CYP19A1: variants seen among roughly 807,000 people sequenced by gnomAD.
CYP19A1 encodes cytochrome P450 family 19 subfamily A member 1.
Under a neutral mutation model 44.4 loss-of-function variants are expected in CYP19A1, and 32 were observed. That is an observed-to-expected ratio of 0.72 (90% CI 0.54 to 0.97). CYP19A1 has a LOEUF of 0.97. Among genes scored for constraint, CYP19A1 ranks in the 50% least tolerant of loss-of-function variants. The pLI is 0.00. For missense variants in CYP19A1, 598 were observed against 637.8 expected (o/e 0.94, Z 0.67); for synonymous variants, 212 against 215.6 (o/e 0.98, Z 0.14).
intron 1 of CYP19A1, among the ~76,000 whole-genome samples, chr15:51,299,283 G>A (rs1173124237): frequency 6.6e-6 from 1 of 152,202 alleles, no homozygotes; most frequent in African/African-American, 2.4e-5. Context: ...TTCATTCACA[G>A]GAGCTGCTGC....
chr15:51,240,589 C>A (rs1244492792), intron 2 of CYP19A1, among the ~76,000 whole-genome samples: 1 of 152,146 alleles, frequency 6.6e-6, no homozygotes, highest in African/African-American at 2.4e-5. Context: ...GCAAAAGCCA[C>A]CCCAAACAAG....
rs566082014 is a variant in CYP19A1, at chr15:51,293,856, C to G, written c.-39+44639G>C. 4.4e-3 allele frequency: 853 copies of G among 191,826 alleles called. 10 individuals are homozygous for G. The highest frequency in any genetic ancestry group is 0.019 in the African/African-American group (816 of 42,054). 11.9% of individuals were successfully genotyped at this position (191,826 alleles called of 1,614,324 possible). On this transcript the variant is annotated intron_variant, in intron 1 of 9. Transcript: ENST00000396402. ...TTGCAGACGGAGTCTCGTTCACTCA[C>G]TGCTCAATGGTGCCCAGGCTGGGGT...
At chr15:51,317,104 C>CTTT (rs201343947) in intron 1 of CYP19A1, among the ~76,000 whole-genome samples, 1 of 138,506 alleles carries the variant, frequency 7.2e-6, no homozygotes, top group Non-Finnish European at 1.6e-5. Context: ...AAAATCACTT[C>CTTT]TTTTTTTTTT....
chr15:51,294,438 AACC>A, intron 1 of CYP19A1, among the ~76,000 whole-genome samples: 1 of 138,398 alleles, frequency 7.2e-6, no homozygotes, highest in African/African-American at 2.8e-5. Context: ...TCCGCCTGGC[AACC>A]GCCCCGTCTG....
Position 51,242,853 on chromosome 15 carries a change from G to A in CYP19A1, c.60C>T (p.Ala20=). 1 of 1,601,682 alleles carries A rather than the reference G, an allele frequency of 6.2e-7. No individual in the cohort carries two copies. The highest frequency in any genetic ancestry group is 8.6e-7 in the Non-Finnish European group (1 of 1,168,708). ...GGACTGGCATGGTGGCAGCAGGCAT[G>A]GCTTCAGGCACGATGCTGGTGATGT... The part of the protein sequence containing the change: ...HYNITSIVPE[A]MPAATMPVLL... Residue 20 remains alanine (A), a synonymous_variant, in exon 2 of 10, where the codon GCC becomes GCT. Coordinates refer to ENST00000396402, the MANE Select transcript of CYP19A1 (RefSeq NM_000103.4).
chr15:51,232,637 CT>C (rs923452009), intron 3 of CYP19A1, among the ~76,000 whole-genome samples: 6 of 151,672 alleles, frequency 4.0e-5, no homozygotes, highest in African/African-American at 1.2e-4. Context: ...CACTTTGACT[CT>C]TTTTTTTTCT....
At chr15:51,262,647 G>A (rs17523541) in intron 1 of CYP19A1, among the ~76,000 whole-genome samples, 58,775 of 152,098 alleles carry the variant, frequency 0.39, 11,914 homozygotes, top group East Asian at 0.5. Flanking sequence ...TAGGGTTATT[G>A]ATATACGATT....
Position 51,236,939 on chromosome 15 carries a change from A to G in CYP19A1, c.216T>C (p.Ser72=). 2 of 1,614,190 alleles carry G rather than the reference A, an allele frequency of 1.2e-6. No individual in the cohort carries two copies. Among genetic ancestry groups the G allele is most frequent in the Middle Eastern group, 1.6e-4 (1 of 6,062 alleles). ...ATACCCGGTTGTAGTAGTTGCAGGC[A>G]CTGCCGATCCCCATCCACAGGAATC... ...HGRFLWMGIG[S]ACNYYNRVYG... is the part of the protein sequence containing the mutation. The change falls in exon 3 of 10, where the codon AGT becomes AGC. Residue 72 remains serine, a synonymous_variant. Transcript: ENST00000396402.
intron 1 of CYP19A1, among the ~76,000 whole-genome samples, chr15:51,258,841 T>C (rs2034610904): frequency 6.6e-6 from 1 of 152,248 alleles, no homozygotes; most frequent in Non-Finnish European, 1.5e-5. Context: ...CTGATTTATT[T>C]AATTTGAAGA....
rs187746938 is a variant in CYP19A1 at position 51,264,922 on chromosome 15, A to G, written c.-38-21972T>C. Among the ~76,000 whole-genome samples the G allele has an allele frequency of 8.5e-5, 13 of 152,344 alleles. No individual in the cohort carries two copies. In the East Asian group the frequency reaches 2.5e-3, roughly 29 times the overall value. ...TGACACTCTGAAGGTTCTTCAATGTATGTCACTTCAAAGTGCACAGATGTT... is the reference window on the plus strand; with the variant it reads ...TGACACTCTGAAGGTTCTTCAATGTGTGTCACTTCAAAGTGCACAGATGTT... On this transcript the variant is annotated intron_variant, in intron 1 of 9. Coordinates refer to ENST00000396402, the MANE Select transcript of CYP19A1 (RefSeq NM_000103.4).
chr15:51,239,677 A>T (rs2141114244), intron 2 of CYP19A1, among the ~76,000 whole-genome samples: 1 of 152,100 alleles, frequency 6.6e-6, no homozygotes, highest in South Asian at 2.1e-4. Context: ...AATCAAAGAC[A>T]GTGTTTTGCT....
rs1236221715 is a variant in CYP19A1, at chr15:51,262,294, T to A, written c.-38-19344A>T. ...ATCACTGGCTTGCTGTCAATAAATA[T>A]GTGGGTAAATCTCTGTTCAGGGCTC... is the stretch of plus-strand genomic sequence containing the variant. On this transcript the variant is annotated intron_variant, in intron 1 of 9. Transcript: ENST00000396402. Among the ~76,000 whole-genome samples, 4 of 152,208 alleles carry A rather than the reference T, an allele frequency of 2.6e-5. No homozygotes were observed. In the East Asian group the frequency reaches 7.7e-4, roughly 29 times the overall value.
At chr15:51,334,980 T>C (rs965530044) in intron 1 of CYP19A1, among the ~76,000 whole-genome samples, 2 of 152,174 alleles carry the variant, frequency 1.3e-5, no homozygotes, top group African/African-American at 4.8e-5. Flanking sequence ...TCCCAGTGGG[T>C]TGGCTGAGGC....
At chr15:51,332,713 A>G (rs947873920) in intron 1 of CYP19A1, among the ~76,000 whole-genome samples, 2 of 152,152 alleles carry the variant, frequency 1.3e-5, no homozygotes, top group African/African-American at 4.8e-5. Context: ...TGACCCTGAC[A>G]GAGGAGTGGG....
intron 1 of CYP19A1, among the ~76,000 whole-genome samples, chr15:51,251,438 C>T (rs1044443857): frequency 3.6e-4 from 55 of 152,224 alleles, no homozygotes; most frequent in Non-Finnish European, 6.6e-4. Flanking sequence ...GTTCTTGTAA[C>T]GGCAGAAACA....
At chr15:51,222,185 T>C in intron 5 of CYP19A1, 164 bp downstream of exon 5, 1 of 1,294,556 alleles carries the variant, frequency 7.7e-7, no homozygotes, top group Non-Finnish European at 1.0e-6. Flanking sequence ...ATTTTATAAG[T>C]GAACAAAGCA....
rs560724555 is a variant in CYP19A1, at chr15:51,326,877, G to A, written c.-39+11618C>T. On this transcript the variant is annotated intron_variant, in intron 1 of 9. Coordinates refer to ENST00000396402, the MANE Select transcript of CYP19A1 (RefSeq NM_000103.4). ...CATCACTGTGTAATTCCTCTGAATC[G>A]TTGTTTACTGCATTTCATTGAACCA... Among the ~76,000 whole-genome samples the A allele has an allele frequency of 2.8e-4, 42 of 152,236 alleles. No homozygotes were observed. In the South Asian group the frequency reaches 3.7e-3, roughly 14 times the overall value.
At chr15:51,238,850 T>C (rs1246716214) in intron 2 of CYP19A1, among the ~76,000 whole-genome samples, 1 of 152,156 alleles carries the variant, frequency 6.6e-6, no homozygotes, top group African/African-American at 2.4e-5. Flanking sequence ...AACAAACAAT[T>C]ACTGGTATAG....
At chr15:51,256,815 A>C (rs2034533950) in intron 1 of CYP19A1, among the ~76,000 whole-genome samples, 1 of 152,220 alleles carries the variant, frequency 6.6e-6, no homozygotes, top group South Asian at 2.1e-4. Flanking sequence ...TCCTTCAAAA[A>C]CAAAGCGATC....
Sources: allele counts gnomAD v4.1 joint callset (sites outside exome capture counted in the v4.1 genomes callset), GRCh38; gene constraint gnomAD v4.1.1; transcripts MANE v1.5; gene names NCBI Gene and HGNC (gene_info 2026-07-23, HGNC 2026-07-21).